CWC27: variants seen among roughly 807,000 people sequenced by gnomAD.
CWC27 encodes spliceosome-associated protein CWC27 homolog.
A neutral mutation model predicts 63.6 loss-of-function variants in CWC27; 47 were observed. The ratio of observed to expected loss-of-function variants is 0.74; its 90% confidence interval spans 0.58 to 0.94. The LOEUF is 0.94. Among genes scored for constraint, CWC27 ranks in the 40% least tolerant of loss-of-function variants. The pLI is 0.00. For missense variants in CWC27, 495 were observed against 554.3 expected (o/e 0.89, Z 1.07); for synonymous variants, 175 against 179.8 (o/e 0.97, Z 0.22).
intron 10 of CWC27, among the ~76,000 whole-genome samples, chr5:64,868,902 G>T (rs116756607): frequency 0.011 from 1,645 of 151,832 alleles, 22 homozygotes; most frequent in African/African-American, 0.038. Context: ...CCTTCCCTCT[G>T]TCAAATTTCC....
At chr5:64,792,050 C>G (rs1744099816) in intron 7 of CWC27, among the ~76,000 whole-genome samples, 1 of 152,072 alleles carries the variant, frequency 6.6e-6, no homozygotes, top group Non-Finnish European at 1.5e-5. Context: ...ACCAGAGCAG[C>G]CTTCCTGAAG....
intron 10 of CWC27, among the ~76,000 whole-genome samples, chr5:64,818,437 C>T (rs576709428): frequency 5.3e-5 from 8 of 152,106 alleles, no homozygotes; most frequent in Non-Finnish European, 7.4e-5. Flanking sequence ...ATAGAATTTC[C>T]GGATATGCTT....
intron 13 of CWC27, among the ~76,000 whole-genome samples, chr5:64,981,189 A>G (rs1749326592): frequency 6.6e-6 from 1 of 152,186 alleles, no homozygotes; most frequent in Non-Finnish European, 1.5e-5. Flanking sequence ...ACTCAAAGAT[A>G]AATACTGTTA....
chr5:64,968,829 T>C (rs1210881023), intron 11 of CWC27, among the ~76,000 whole-genome samples: 1 of 152,210 alleles, frequency 6.6e-6, no homozygotes, highest in East Asian at 1.9e-4. Context: ...TGAGTTTTAC[T>C]ATATGTAATG....
At chr5:64,975,040 A>G (rs1450441039) in intron 12 of CWC27, among the ~76,000 whole-genome samples, 1 of 152,228 alleles carries the variant, frequency 6.6e-6, no homozygotes, top group Non-Finnish European at 1.5e-5. Flanking sequence ...GCCTATGATG[A>G]CATTCTATAG....
At chr5:64,919,006 ATAATGTCTGTTAAATAATTT>A (rs1434730703) in intron 11 of CWC27, among the ~76,000 whole-genome samples, 1 of 152,254 alleles carries the variant, frequency 6.6e-6, no homozygotes, top group Non-Finnish European at 1.5e-5. Flanking sequence ...AAACAATGAG[ATAATGTCTGTTAAATAATTT>A]TAAGTTCCAT....
chr5:64,921,435 A>G (rs956908005), intron 11 of CWC27, among the ~76,000 whole-genome samples: 16 of 152,056 alleles, frequency 1.1e-4, no homozygotes, highest in African/African-American at 3.9e-4. Context: ...TGTTCTGTAG[A>G]TCTCTATTAA....
rs557771035 is a variant in CWC27 at position 64,776,956 on chromosome 5, A to G, written c.139+2169A>G. On this transcript the variant is annotated intron_variant, in intron 2 of 13. Transcript: ENST00000381070. ...ATCTTAGATTTTTGGTCTTTGCAGC[A>G]TAGTTAGGTGGACATTTAAAATGAG... Among the ~76,000 whole-genome samples, 15 of 152,228 alleles carry G rather than the reference A, an allele frequency of 9.9e-5. No homozygotes were observed. In the South Asian group the frequency reaches 2.9e-3, roughly 29 times the overall value.
chr5:64,913,705 T>C (rs1330870291), intron 11 of CWC27, among the ~76,000 whole-genome samples: 1 of 152,024 alleles, frequency 6.6e-6, no homozygotes, highest in East Asian at 1.9e-4. Flanking sequence ...TTAAAGATTA[T>C]CTATAAAATG....
intron 11 of CWC27, among the ~76,000 whole-genome samples, chr5:64,956,838 CCT>C (rs1221513988): frequency 1.3e-5 from 2 of 152,094 alleles, no homozygotes; most frequent in Admixed American, 1.3e-4. Flanking sequence ...CCTATCTAAA[CCT>C]CTGTTTCCTC....
At chr5:64,955,826 T>A (rs145161967) in intron 11 of CWC27, among the ~76,000 whole-genome samples, 376 of 152,288 alleles carry the variant, frequency 2.5e-3, no homozygotes, top group Non-Finnish European at 4.4e-3. Flanking sequence ...AATTAAAATA[T>A]TCTCATAGAT....
chr5:64,798,214 G>A (rs1744350356), intron 7 of CWC27, among the ~76,000 whole-genome samples: 1 of 152,142 alleles, frequency 6.6e-6, no homozygotes, highest in African/African-American at 2.4e-5. Flanking sequence ...AATAGGCAAG[G>A]CTGCTATGAT....
intron 10 of CWC27, among the ~76,000 whole-genome samples, chr5:64,834,057 T>C (rs1163422722): frequency 6.6e-6 from 1 of 150,818 alleles, no homozygotes; most frequent in Non-Finnish European, 1.5e-5. Context: ...TGAATTGTTT[T>C]ATGGAAGCAA....
At chr5:64,830,414 T>C (rs1010184790) in intron 10 of CWC27, among the ~76,000 whole-genome samples, 1 of 152,136 alleles carries the variant, frequency 6.6e-6, no homozygotes, top group Non-Finnish European at 1.5e-5. Context: ...TTACACCTTA[T>C]AGAAAAATTA....
At chr5:64,957,124 G>A (rs1202533157) in intron 11 of CWC27, among the ~76,000 whole-genome samples, 3 of 152,070 alleles carry the variant, frequency 2.0e-5, no homozygotes, top group Admixed American at 1.3e-4. Context: ...TAACTACTTG[G>A]AGAAAATTAC....
At chr5:64,972,540 T>TTA (rs34895173) in intron 12 of CWC27, 363 of 287,628 alleles carry the variant, frequency 1.3e-3, no homozygotes, top group Admixed American at 2.1e-3. Flanking sequence ...ACAAACTGCC[T>TTA]TATATATATA....
At chr5:64,808,123 C>T in intron 10 of CWC27, 2 of 1,082,146 alleles carry the variant, frequency 1.8e-6, no homozygotes, top group Non-Finnish European at 2.2e-6. Flanking sequence ...ATTAGTATCA[C>T]TTGGGAACTT....
At chr5:64,888,587 AAAT>A (rs1747136739) in intron 11 of CWC27, among the ~76,000 whole-genome samples, 2 of 148,770 alleles carry the variant, frequency 1.3e-5, no homozygotes, top group Admixed American at 6.7e-5. Context: ...GCATACTTAT[AAAT>A]AATTTATAAA....
intron 13 of CWC27, among the ~76,000 whole-genome samples, chr5:64,999,010 A>G (rs1034859801): frequency 1.3e-5 from 2 of 150,960 alleles, no homozygotes; most frequent in Admixed American, 6.6e-5. Context: ...CTATTACTCA[A>G]AGTCATCCCT....
Sources: gnomAD v4.1 joint callset for allele counts (sites outside exome capture counted in the v4.1 genomes callset) on GRCh38, gnomAD v4.1.1 for gene constraint, MANE v1.5 for transcripts, NCBI Gene and HGNC (gene_info 2026-07-23, HGNC 2026-07-21) for gene names.